Variants in IFT122 observed in about 807,000 individuals in gnomAD.
IFT122 encodes the protein intraflagellar transport 122.
In IFT122, 118 loss-of-function variants were observed where a neutral mutation model predicts 161.6. That is an observed-to-expected ratio of 0.73 (90% confidence interval 0.63 to 0.85). IFT122 has a LOEUF of 0.85. Among genes scored for constraint, IFT122 ranks in the 40% least tolerant of loss-of-function variants. IFT122 has a pLI of 0.00. For missense variants in IFT122, 1,381 were observed against 1,579.6 expected (o/e 0.87, Z 2.13); for synonymous variants, 550 against 602.4 (o/e 0.91, Z 1.27).
intron 26 of IFT122, among the ~76,000 whole-genome samples, chr3:129,517,268 G>GCACGCGCGCACACACACACACACACACA (rs1553776446): frequency 8.5e-6 from 1 of 117,004 alleles, no homozygotes; most frequent in African/African-American, 3.2e-5. Flanking sequence ...CATTGCTCCT[G>GCACGCGCGCACACACACACACACACACA]CACACACACA....
rs1199759431 is a variant in IFT122, at chr3:129,470,839, GGATTACAGGCAT to G, written c.816+1425_816+1436del. 5.3e-5 allele frequency among the ~76,000 whole-genome samples: 8 copies of G among 152,190 alleles called. No homozygotes were observed. In the East Asian group the frequency reaches 1.2e-3, roughly 22 times the overall value. ...CCTGCCTCAGTCTCCCAAAGTGCTGGGATTACAGGCATGAGCTGCCACCACGCCTGGCTGGAG... is the reference window on the plus strand; with the variant it reads ...CCTGCCTCAGTCTCCCAAAGTGCTGGGAGCTGCCACCACGCCTGGCTGGAG... On this transcript the variant is annotated intron_variant, in intron 9 of 29. Transcript: ENST00000348417.
intron 18 of IFT122, among the ~76,000 whole-genome samples, chr3:129,497,321 GTTTC>G (rs2108498883): frequency 6.6e-6 from 1 of 152,334 alleles, no homozygotes; most frequent in Admixed American, 6.5e-5. Context: ...TGTGAGTGCA[GTTTC>G]TTTCTGTGGG....
chr3:129,488,125 T>G (rs541009827), intron 15 of IFT122, 132 bp from the exon 16 acceptor site: 127 of 1,428,706 alleles, frequency 8.9e-5, no homozygotes, highest in African/African-American at 1.1e-4. Flanking sequence ...AGGGTGCTGA[T>G]TGGCGGCTGC....
chr3:129,463,541 A>G lies in IFT122; in HGVS notation c.350-19A>G, dbSNP rs1384857439. The G allele has an allele frequency of 1.2e-6, 2 of 1,608,818 alleles. No individual in the cohort carries two copies. The highest frequency in any genetic ancestry group is 2.7e-5 in the African/African-American group (2 of 74,784). On this transcript the variant is annotated intron_variant, in intron 5 of 29. Coordinates refer to ENST00000348417, the MANE Select transcript of IFT122 (RefSeq NM_052989.3). The stretch of plus-strand genomic sequence containing the variant: ...TATTCCAACCAATCCATCTTCTTTT[A>G]TATTATTGTGCATTGAAGGGTTGTG...
chr3:129,492,252 G>A, intron 17 of IFT122, 58 bp downstream of exon 17: 2 of 1,338,948 alleles, frequency 1.5e-6, no homozygotes, highest in Admixed American at 1.7e-5. Context: ...CCTGTTTTAG[G>A]GGCAGCCCTT....
At chr3:129,459,198 C>T in intron 4 of IFT122, 1 of 418,824 alleles carries the variant, frequency 2.4e-6, no homozygotes. Flanking sequence ...GCATTTCTCA[C>T]AATTGCAGTT....
Position 129,492,804 on chromosome 3 carries a change from T to C in IFT122, c.2046+610T>C, listed in dbSNP as rs1378984197. On this transcript the variant is annotated intron_variant, in intron 17 of 29. Transcript: ENST00000348417. Reference sequence around the variant, plus strand: ...ATTTGCTGGGTGGTGGTCAACACTATGCTTTTTTTTTCTTTTTTTTTTTTT... The same window carrying C: ...ATTTGCTGGGTGGTGGTCAACACTACGCTTTTTTTTTCTTTTTTTTTTTTT... Among the ~76,000 whole-genome samples, 10 of 150,512 alleles carry C rather than the reference T, an allele frequency of 6.6e-5. No individual in the cohort carries two copies. The East Asian group carries it at 9.9e-4, about 15-fold the overall frequency.
chr3:129,505,618 G>A (rs917150984), intron 21 of IFT122, among the ~76,000 whole-genome samples: 2 of 152,174 alleles, frequency 1.3e-5, no homozygotes, highest in Non-Finnish European at 2.9e-5. Flanking sequence ...CTCTGAAGGC[G>A]GAGGATTAGG....
At chr3:129,508,115 C>T (rs943687550) in intron 23 of IFT122, among the ~76,000 whole-genome samples, 6 of 152,198 alleles carry the variant, frequency 3.9e-5, no homozygotes, top group Admixed American at 3.9e-4. Flanking sequence ...TAACCAAAGG[C>T]TCGAGATCCC....
At chr3:129,511,140 C>G (rs892932039) in intron 23 of IFT122, among the ~76,000 whole-genome samples, 3 of 152,210 alleles carry the variant, frequency 2.0e-5, no homozygotes, top group African/African-American at 7.2e-5. Context: ...AAGGGAAGTT[C>G]AGGTCCTTCC....
At chr3:129,479,531 T>G (rs2078382806) in intron 12 of IFT122, among the ~76,000 whole-genome samples, 2 of 152,180 alleles carry the variant, frequency 1.3e-5, no homozygotes, top group Non-Finnish European at 2.9e-5. Context: ...TGTGTACTTT[T>G]GAGTGCTGCC....
chr3:129,460,619 C>A (rs2076115963), intron 4 of IFT122, among the ~76,000 whole-genome samples: 1 of 152,014 alleles, frequency 6.6e-6, no homozygotes, highest in Admixed American at 6.6e-5. Context: ...TTTTCTTTAT[C>A]CATTCATCTG....
At chr3:129,497,499 C>T (rs887091263) in intron 18 of IFT122, among the ~76,000 whole-genome samples, 1 of 152,208 alleles carries the variant, frequency 6.6e-6, no homozygotes, top group Non-Finnish European at 1.5e-5. Flanking sequence ...AGGGGCCACA[C>T]GTGACCACAG....
In IFT122 at chr3:129,471,007, G is replaced by T. The variant is rs1253491835; in HGVS notation, c.816+1590G>T. ...CTTCAGAAGAATAACTTGTTTCCAT[G>T]GAGGGTGGATTAAAATATAGAGAGC... On this transcript the variant is annotated intron_variant, in intron 9 of 29. Transcript: ENST00000348417. Among the ~76,000 whole-genome samples the T allele has an allele frequency of 2.0e-5, 3 of 152,228 alleles. No individual in the cohort carries two copies. The East Asian group carries it at 5.8e-4, about 29-fold the overall frequency.
chr3:129,495,419 C>G (rs2080719506), intron 17 of IFT122, 27 bp from the exon 18 acceptor site: 4 of 1,613,592 alleles, frequency 2.5e-6, no homozygotes, highest in Admixed American at 1.7e-5. Context: ...CTGCAGAGGC[C>G]ATTTCCTTTG....
At chr3:129,508,118 G>A (rs531468624) in intron 23 of IFT122, among the ~76,000 whole-genome samples, 2 of 152,290 alleles carry the variant, frequency 1.3e-5, no homozygotes, top group South Asian at 2.1e-4. Flanking sequence ...CCAAAGGCTC[G>A]AGATCCCTCC....
At chr3:129,516,214 C>G (rs1374738614) in intron 26 of IFT122, among the ~76,000 whole-genome samples, 1 of 134,964 alleles carries the variant, frequency 7.4e-6, no homozygotes, top group Non-Finnish European at 1.6e-5. Flanking sequence ...ACGGAGACTG[C>G]CTCTGCACAC....
Position 129,517,361 on chromosome 3 carries a change from T to C in IFT122, c.3266-108T>C, listed in dbSNP as rs2084095704. On this transcript the variant is annotated intron_variant, in intron 26 of 29. Coordinates refer to ENST00000348417, the MANE Select transcript of IFT122 (RefSeq NM_052989.3). ...CCCTGCTGCCTCTTCTTGCTTTTGG[T>C]GAAGCTGCCAGTGGGTTGAGAAGCA... The C allele has an allele frequency of 1.0e-5, 15 of 1,460,228 alleles. No individual in the cohort carries two copies. In the South Asian group the frequency reaches 1.7e-4, roughly 16 times the overall value. The allele number at this position is 1,460,228 out of a possible 1,614,324, so 90.5% of individuals were successfully genotyped here. A position where few individuals can be genotyped will look rare whatever the true frequency, so the allele number is the denominator to read the frequency against.
chr3:129,517,413 C>T (rs142794365), intron 26 of IFT122, 56 bp from the exon 27 acceptor site: 40 of 1,605,598 alleles, frequency 2.5e-5, no homozygotes, highest in Admixed American at 1.8e-4. Flanking sequence ...ACCTGCCTGG[C>T]GGCAAGTCCT....
Sources: gnomAD v4.1 joint callset for allele counts (sites outside exome capture counted in the v4.1 genomes callset) on GRCh38, gnomAD v4.1.1 for gene constraint, MANE v1.5 for transcripts, NCBI Gene and HGNC (gene_info 2026-07-23, HGNC 2026-07-21) for gene names.